The following KCNMB2 variants were observed in gnomAD, a reference collection of about 807,000 sequenced individuals.
KCNMB2 encodes the protein potassium calcium-activated channel subfamily M regulatory beta subunit 2.
Under a neutral mutation model 24.5 loss-of-function variants are expected in KCNMB2, and 9 were observed. The observed-to-expected ratio is 0.37, with a 90% CI of 0.22 to 0.64. The LOEUF is 0.64. Among genes scored for constraint, KCNMB2 ranks in the 30% least tolerant of loss-of-function variants. KCNMB2 has a pLI of 0.63. For missense variants in KCNMB2, 226 were observed against 284.3 expected (o/e 0.79, Z 1.47); for synonymous variants, 109 against 104.4 (o/e 1.04, Z -0.27).
At chr3:178,805,388 C>G (rs1480485403) in intron 1 of KCNMB2, among the ~76,000 whole-genome samples, 1 of 152,190 alleles carries the variant, frequency 6.6e-6, no homozygotes, top group East Asian at 1.9e-4. Context: ...GTTTCAAACT[C>G]TCCGTGGTAC....
At chr3:178,791,355 T>G (rs1294220408) in intron 1 of KCNMB2, among the ~76,000 whole-genome samples, 1 of 151,952 alleles carries the variant, frequency 6.6e-6, no homozygotes, top group Non-Finnish European at 1.5e-5. Context: ...TGTATCAGAG[T>G]CTTCCAACAG....
chr3:178,701,508 G>T (rs1442735436), intron 1 of KCNMB2, among the ~76,000 whole-genome samples: 1 of 152,084 alleles, frequency 6.6e-6, no homozygotes, highest in Non-Finnish European at 1.5e-5. Flanking sequence ...GTCATTGGTA[G>T]CTTGATGGGG....
At position 178,622,031 on chromosome 3, in the gene KCNMB2, T is replaced by C. The variant is rs114181039; in HGVS notation, c.-68+85320T>C. On this transcript the variant is annotated intron_variant, in intron 1 of 4. Coordinates refer to ENST00000452583, the MANE Select transcript of KCNMB2 (RefSeq NM_181361.3). ...CTCTCTGGGGCTAAATTTCTTCATTTATAAAATAAGATATTGTTGCTTCTC... is the reference window on the plus strand; with the variant it reads ...CTCTCTGGGGCTAAATTTCTTCATTCATAAAATAAGATATTGTTGCTTCTC... Among the ~76,000 whole-genome samples, 18 of 152,372 alleles carry C rather than the reference T, an allele frequency of 1.2e-4. 1 individual carries two copies. The highest frequency in any genetic ancestry group is 4.3e-4 in the African/African-American group (18 of 41,592).
chr3:178,834,159 C>T (rs962173153), intron 4 of KCNMB2, among the ~76,000 whole-genome samples: 1 of 152,142 alleles, frequency 6.6e-6, no homozygotes, highest in South Asian at 2.1e-4. Context: ...TATATCTGTT[C>T]TGATGATGTA....
chr3:178,829,191 C>T (rs756579336), intron 4 of KCNMB2, among the ~76,000 whole-genome samples: 4 of 151,958 alleles, frequency 2.6e-5, no homozygotes, highest in Admixed American at 1.3e-4. Context: ...GGTAACAATT[C>T]GATATGCAGA....
chr3:178,662,014 A>G (rs1172965933), intron 1 of KCNMB2, among the ~76,000 whole-genome samples: 5 of 152,210 alleles, frequency 3.3e-5, no homozygotes, highest in Non-Finnish European at 7.3e-5. Context: ...AAATTTAACT[A>G]GAAATTAAAC....
intron 2 of KCNMB2, among the ~76,000 whole-genome samples, chr3:178,814,281 T>A (rs982086577): frequency 1.3e-5 from 2 of 152,198 alleles, no homozygotes; most frequent in Non-Finnish European, 2.9e-5. Flanking sequence ...GTTAATTCAC[T>A]TAGGGTAACA....
At chr3:178,739,855 A>G (rs926638721) in intron 1 of KCNMB2, among the ~76,000 whole-genome samples, 4 of 152,158 alleles carry the variant, frequency 2.6e-5, no homozygotes, top group African/African-American at 4.8e-5. Flanking sequence ...ATTAATAATT[A>G]TGCTAGGTCA....
intron 1 of KCNMB2, among the ~76,000 whole-genome samples, chr3:178,542,036 G>GAAC (rs1012822955): frequency 1.3e-5 from 2 of 152,094 alleles, no homozygotes; most frequent in Non-Finnish European, 2.9e-5. Flanking sequence ...CCCAATAGGG[G>GAAC]AACAACACAG....
intron 4 of KCNMB2, among the ~76,000 whole-genome samples, chr3:178,829,261 C>T (rs545382225): frequency 6.6e-6 from 1 of 151,834 alleles, no homozygotes; most frequent in African/African-American, 2.4e-5. Flanking sequence ...CAGGATAAAC[C>T]CTTCTGACCT....
intron 4 of KCNMB2, among the ~76,000 whole-genome samples, chr3:178,840,743 G>A (rs886469983): frequency 6.6e-6 from 1 of 152,220 alleles, no homozygotes; most frequent in Admixed American, 6.5e-5. Flanking sequence ...CAAGTCTCAA[G>A]GCTGCACAGA....
At chr3:178,546,793 A>G (rs1477779) in intron 1 of KCNMB2, among the ~76,000 whole-genome samples, 35,862 of 152,210 alleles carry the variant, frequency 0.24, 4,968 homozygotes, top group East Asian at 0.43. Context: ...TGACAAGGTA[A>G]TTGCACTTTC....
chr3:178,823,397 C>A (rs1220558270), intron 2 of KCNMB2, among the ~76,000 whole-genome samples: 2 of 151,970 alleles, frequency 1.3e-5, no homozygotes, highest in African/African-American at 2.4e-5. Context: ...AAGACAAGGC[C>A]GTGAAATGAT....
intron 1 of KCNMB2, among the ~76,000 whole-genome samples, chr3:178,655,655 C>T (rs1720307733): frequency 6.6e-6 from 1 of 152,186 alleles, no homozygotes; most frequent in South Asian, 2.1e-4. Flanking sequence ...GAAAGGGCGA[C>T]AGTGCTGTGG....
intron 1 of KCNMB2, among the ~76,000 whole-genome samples, chr3:178,570,735 G>T (rs1716747963): frequency 6.6e-6 from 1 of 152,022 alleles, no homozygotes; most frequent in Non-Finnish European, 1.5e-5. Flanking sequence ...ACAAAGAAAT[G>T]ACTGTCAAGA....
At position 178,616,696 on chromosome 3, in the gene KCNMB2, G is replaced by A. The variant is rs147532517; in HGVS notation, c.-68+79985G>A. 5.3e-3 allele frequency among the ~76,000 whole-genome samples: 800 copies of A among 152,194 alleles called. 7 individuals carry two copies. Among genetic ancestry groups the A allele is most frequent in the African/African-American group, 0.019 (774 of 41,512 alleles). ...TTTCTGTGTGGATAGTTGTTAACTT[G>A]GTGTCCTTGTCGGAGGAACAATCAG... is the stretch of plus-strand genomic sequence containing the variant. On this transcript the variant is annotated intron_variant, in intron 1 of 4. Transcript: ENST00000452583.
intron 1 of KCNMB2, among the ~76,000 whole-genome samples, chr3:178,734,512 C>G (rs1194064653): frequency 2.0e-5 from 3 of 152,198 alleles, no homozygotes; most frequent in Non-Finnish European, 2.9e-5. Context: ...CTTAGTGATA[C>G]TTGTAGAAAA....
At chr3:178,792,824 C>T (rs1004257305) in intron 1 of KCNMB2, among the ~76,000 whole-genome samples, 1 of 152,210 alleles carries the variant, frequency 6.6e-6, no homozygotes, top group Non-Finnish European at 1.5e-5. Context: ...GGACTAAGAG[C>T]TCCAGCTGGG....
At chr3:178,834,490 C>G (rs1299787480) in intron 4 of KCNMB2, among the ~76,000 whole-genome samples, 1 of 152,148 alleles carries the variant, frequency 6.6e-6, no homozygotes, top group Non-Finnish European at 1.5e-5. Flanking sequence ...CTACACCATT[C>G]CATCCTATTC....
Sources: gnomAD v4.1 joint callset for allele counts (sites outside exome capture counted in the v4.1 genomes callset) on GRCh38, gnomAD v4.1.1 for gene constraint, MANE v1.5 for transcripts, NCBI Gene and HGNC (gene_info 2026-07-23, HGNC 2026-07-21) for gene names.